CLEC16A: variants seen among roughly 807,000 people sequenced by gnomAD.
CLEC16A encodes protein CLEC16A.
CLEC16A carries 51 observed loss-of-function variants against 109.5 expected under a neutral mutation model. The observed-to-expected ratio is 0.47, with a 90% CI of 0.37 to 0.59. The LOEUF is 0.59. CLEC16A is among the 20% of genes least tolerant of loss of function. The pLI, the probability that CLEC16A is intolerant of heterozygous loss-of-function variation, is 0.00. For missense variants in CLEC16A, 1,339 were observed against 1,394.0 expected (o/e 0.96, Z 0.63); for synonymous variants, 673 against 564.2 (o/e 1.19, Z -2.73).
chr16:10,966,132 C>G (rs191469708), intron 3 of CLEC16A, among the ~76,000 whole-genome samples: 3 of 152,154 alleles, frequency 2.0e-5, no homozygotes, highest in African/African-American at 7.2e-5. Context: ...GACACGATAC[C>G]CATGTTAGAC....
At chr16:11,140,776 G>A (rs553315981) in intron 22 of CLEC16A, among the ~76,000 whole-genome samples, 1 of 152,342 alleles carries the variant, frequency 6.6e-6, no homozygotes, top group East Asian at 1.9e-4. Context: ...TGCCGAGGAA[G>A]CCATTGCAAT....
At chr16:11,015,999 C>A (rs2045723282) in intron 11 of CLEC16A, among the ~76,000 whole-genome samples, 1 of 152,148 alleles carries the variant, frequency 6.6e-6, no homozygotes, top group Admixed American at 6.5e-5. Context: ...TGATGGCAAG[C>A]CTTGTTAGTA....
chr16:10,994,297 G>A (rs1332073199), intron 10 of CLEC16A, among the ~76,000 whole-genome samples: 1 of 152,158 alleles, frequency 6.6e-6, no homozygotes, highest in African/African-American at 2.4e-5. Flanking sequence ...CATTCTTCAT[G>A]CATGTTGGGC....
chr16:11,149,094 TG>T (rs1488370967), intron 22 of CLEC16A, among the ~76,000 whole-genome samples: 1 of 152,100 alleles, frequency 6.6e-6, no homozygotes, highest in Non-Finnish European at 1.5e-5. Context: ...TGAATCAAAG[TG>T]GCCAGTATGT....
chr16:11,147,425 AT>A (rs1028897600), intron 22 of CLEC16A, among the ~76,000 whole-genome samples: 2 of 152,136 alleles, frequency 1.3e-5, no homozygotes, highest in African/African-American at 4.8e-5. Context: ...TGAAGATGAA[AT>A]GTTTTGAGCC....
chr16:11,138,344 T>G (rs1254605911), intron 22 of CLEC16A, among the ~76,000 whole-genome samples: 3 of 152,176 alleles, frequency 2.0e-5, no homozygotes, highest in Non-Finnish European at 2.9e-5. Flanking sequence ...AACAGAGAGC[T>G]GGGAAGCTCA....
At chr16:10,991,557 C>CAAGT (rs1211503062) in intron 10 of CLEC16A, among the ~76,000 whole-genome samples, 1 of 151,710 alleles carries the variant, frequency 6.6e-6, no homozygotes, top group Admixed American at 6.6e-5. Flanking sequence ...TTGGAGAGAA[C>CAAGT]AAGTGTCCAA....
chr16:10,978,459 AC>A (rs1233809817), intron 8 of CLEC16A, among the ~76,000 whole-genome samples: 1 of 152,106 alleles, frequency 6.6e-6, no homozygotes, highest in Non-Finnish European at 1.5e-5. Flanking sequence ...TTTAGTAGAA[AC>A]GGGGTTTCAC....
chr16:11,131,662 C>T (rs1488771859), intron 22 of CLEC16A, among the ~76,000 whole-genome samples: 1 of 152,208 alleles, frequency 6.6e-6, no homozygotes, highest in Non-Finnish European at 1.5e-5. Flanking sequence ...CCATCAACCG[C>T]TCCCCACCAG....
intron 22 of CLEC16A, among the ~76,000 whole-genome samples, chr16:11,164,061 T>C (rs141145261): frequency 9.9e-5 from 15 of 152,224 alleles, no homozygotes; most frequent in African/African-American, 3.4e-4. Context: ...ATGTTTGCCA[T>C]AGTTCATCTG....
At chr16:11,007,569 T>C (rs923102621) in intron 11 of CLEC16A, among the ~76,000 whole-genome samples, 1 of 152,186 alleles carries the variant, frequency 6.6e-6, no homozygotes, top group African/African-American at 2.4e-5. Flanking sequence ...CCTCAGATTG[T>C]CATAAGTGAG....
chr16:11,104,086 T>C (rs1295443569), intron 19 of CLEC16A, among the ~76,000 whole-genome samples: 1 of 152,120 alleles, frequency 6.6e-6, no homozygotes, highest in East Asian at 1.9e-4. Flanking sequence ...GTGTTAGTAA[T>C]ATAGATCCCA....
intron 14 of CLEC16A, 160 bp downstream of exon 14, chr16:11,040,036 C>T: frequency 2.4e-6 from 2 of 837,414 alleles, no homozygotes; most frequent in Non-Finnish European, 3.5e-6. Context: ...CTGGGCCAGC[C>T]CTCCTGCCTG....
At chr16:11,168,556 G>A (rs576928868) in intron 23 of CLEC16A, among the ~76,000 whole-genome samples, 14 of 152,374 alleles carry the variant, frequency 9.2e-5, no homozygotes, top group African/African-American at 3.4e-4. Context: ...GCCATGCCCG[G>A]TGGGCAGCCT....
intron 7 of CLEC16A, 59 bp downstream of exon 7, chr16:10,973,120 GT>G: frequency 1.3e-6 from 2 of 1,525,584 alleles, no homozygotes; most frequent in Non-Finnish European, 1.8e-6. Flanking sequence ...GGAGAATTCT[GT>G]TTTCATCAAG....
rs1232937864 is a variant in CLEC16A at position 11,181,001 on chromosome 16, CACTCT to C, written c.*2312_*2316del. 1 of 152,438 alleles carries C rather than the reference CACTCT, an allele frequency of 6.6e-6. No homozygotes were observed. The highest frequency in any genetic ancestry group is 2.4e-5 in the African/African-American group (1 of 41,462). 9.4% of individuals were successfully genotyped at this position (152,438 alleles called of 1,614,324 possible). A position where few individuals can be genotyped will look rare whatever the true frequency, so the allele number is the denominator to read the frequency against. ...CAGTCCCCATGTGGGCTTGCAGGGT[CACTCT>C]CAGGGGCCTCTTTCAGCTGGGGCTG... is the stretch of plus-strand genomic sequence containing the variant. On this transcript the variant is annotated 3_prime_UTR_variant, in exon 24 of 24. Transcript: ENST00000409790.
At chr16:10,987,169 T>C (rs780575623) in intron 10 of CLEC16A, among the ~76,000 whole-genome samples, 2 of 152,030 alleles carry the variant, frequency 1.3e-5, no homozygotes, top group Non-Finnish European at 2.9e-5. Flanking sequence ...ATGCAGTTTT[T>C]TTTTTAATTG....
At chr16:10,987,766 C>T (rs1328447525) in intron 10 of CLEC16A, among the ~76,000 whole-genome samples, 1 of 152,216 alleles carries the variant, frequency 6.6e-6, no homozygotes, top group Non-Finnish European at 1.5e-5. Flanking sequence ...CCTATTGTTT[C>T]CTGCCCAACT....
chr16:11,097,494 C>T (rs1393856697), intron 19 of CLEC16A, among the ~76,000 whole-genome samples: 1 of 152,202 alleles, frequency 6.6e-6, no homozygotes, highest in Admixed American at 6.5e-5. Context: ...TAATTTCCTT[C>T]CCTGCCCTAT....
Sources: allele counts gnomAD v4.1 joint callset (sites outside exome capture counted in the v4.1 genomes callset), GRCh38; gene constraint gnomAD v4.1.1; transcripts MANE v1.5; gene names NCBI Gene and HGNC (gene_info 2026-07-23, HGNC 2026-07-21).